The following FUT8 variants were observed in gnomAD, a reference collection of about 807,000 sequenced individuals.
FUT8 encodes the protein fucosyltransferase 8.
FUT8 carries 29 observed loss-of-function variants against 71.3 expected under a neutral mutation model. That is an observed-to-expected ratio of 0.41 (90% CI 0.30 to 0.55). The LOEUF (loss-of-function observed/expected upper bound fraction) is 0.55, where lower values mean the gene tolerates loss of function less well. Ranked by LOEUF, FUT8 falls within the 20% of genes least tolerant of loss-of-function variation. The pLI, the probability that FUT8 is intolerant of heterozygous loss-of-function variation, is 0.34. For missense variants in FUT8, 544 were observed against 702.1 expected (o/e 0.77, Z 2.55); for synonymous variants, 254 against 239.3 (o/e 1.06, Z -0.57).
chr14:65,661,116 C>T (rs185370695), intron 6 of FUT8, among the ~76,000 whole-genome samples: 2 of 152,254 alleles, frequency 1.3e-5, no homozygotes, highest in South Asian at 4.1e-4. Context: ...TAGGAGCTAT[C>T]TTTGACTTAA....
At chr14:65,530,053 TAGTATTGATATTCAGGTAATTTA>T (rs1269701265) in intron 2 of FUT8, among the ~76,000 whole-genome samples, 1 of 152,220 alleles carries the variant, frequency 6.6e-6, no homozygotes, top group East Asian at 1.9e-4. Context: ...ACATGTAGAT[TAGTATTGATATTCAGGTAATTTA>T]AGGATATCCT....
chr14:65,439,045 T>C (rs1477973768), intron 1 of FUT8, among the ~76,000 whole-genome samples: 1 of 152,182 alleles, frequency 6.6e-6, no homozygotes, highest in Admixed American at 6.5e-5. Context: ...TACAGATTGG[T>C]TTGGCTAATT....
At chr14:65,359,691 C>A in the FUT8 span, among the ~76,000 whole-genome samples, 45 of 152,280 alleles carry the variant, frequency 3.0e-4, no homozygotes, top group African/African-American at 1.1e-3. Flanking sequence ...AATAATAATC[C>A]ATTGTATGCA....
At chr14:65,517,092 CA>C (rs1314981038) in intron 2 of FUT8, among the ~76,000 whole-genome samples, 2 of 151,616 alleles carry the variant, frequency 1.3e-5, no homozygotes, top group East Asian at 3.9e-4. Context: ...ATGTGTATAC[CA>C]CATTTTGCTT....
chr14:65,519,075 G>A (rs1056041518), intron 2 of FUT8, among the ~76,000 whole-genome samples: 1 of 152,182 alleles, frequency 6.6e-6, no homozygotes, highest in Non-Finnish European at 1.5e-5. Flanking sequence ...AGGTTGTCTA[G>A]AACAGTGAAT....
intron 7 of FUT8, among the ~76,000 whole-genome samples, chr14:65,715,985 A>AC (rs199997364): frequency 0.035 from 5,269 of 152,030 alleles, 140 homozygotes; most frequent in East Asian, 0.067. Context: ...AAAAAAAAAA[A>AC]AAAACAACTT....
chr14:65,422,534 A>G (rs200057032), intron 1 of FUT8, among the ~76,000 whole-genome samples: 22 of 151,944 alleles, frequency 1.4e-4, no homozygotes, highest in African/African-American at 2.2e-4. Context: ...GTCTTGCTCA[A>G]TTGCCCAGGC....
At chr14:65,432,837 A>G (rs1566743666) in intron 1 of FUT8, among the ~76,000 whole-genome samples, 1 of 151,932 alleles carries the variant, frequency 6.6e-6, no homozygotes, top group Non-Finnish European at 1.5e-5. Flanking sequence ...TAAATAATCC[A>G]CCCCTTATTT....
intron 3 of FUT8, among the ~76,000 whole-genome samples, chr14:65,589,898 A>T (rs923450242): frequency 3.9e-5 from 6 of 152,330 alleles, no homozygotes; most frequent in African/African-American, 1.4e-4. Context: ...ATGCATAGAC[A>T]TGGTAAACCA....
intron 5 of FUT8, chr14:65,617,290 T>C: frequency 7.8e-7 from 1 of 1,280,282 alleles, no homozygotes; most frequent in Non-Finnish European, 1.0e-6. Flanking sequence ...AAAATCTGTC[T>C]ATTGGAATCA....
chr14:65,693,681 GTATTAGTGTAA>G (rs1258205454), intron 7 of FUT8, among the ~76,000 whole-genome samples: 1 of 152,144 alleles, frequency 6.6e-6, no homozygotes, highest in African/African-American at 2.4e-5. Flanking sequence ...TGTGGTTTTG[GTATTAGTGTAA>G]TATTAGCCTC....
chr14:65,566,396 C>T lies in FUT8; in HGVS notation c.203+4630C>T, dbSNP rs191233181. Among the ~76,000 whole-genome samples, 83 of 151,940 alleles carry T rather than the reference C, an allele frequency of 5.5e-4. No individual in the cohort carries two copies. In the Middle Eastern group the frequency reaches 0.024, roughly 44 times the overall value. On this transcript the variant is annotated intron_variant, in intron 3 of 10. Transcript: ENST00000673929. ...GATGGAACTACAAAGAATGTGTAAC[C>T]GCATTTAACCTACCGTTCTCACCAC...
chr14:65,534,349 C>T (rs1003511903), intron 2 of FUT8, among the ~76,000 whole-genome samples: 1 of 151,394 alleles, frequency 6.6e-6, no homozygotes, highest in Non-Finnish European at 1.5e-5. Context: ...TTCACCATGT[C>T]GCCCAGGCTG....
rs1171835430 is a variant in FUT8 at position 65,483,616 on chromosome 14, T to C, written c.-228+27898T>C. Among the ~76,000 whole-genome samples the C allele has an allele frequency of 1.3e-5, 2 of 152,214 alleles. No individual in the cohort carries two copies. The highest frequency in any genetic ancestry group is 2.9e-5 in the Non-Finnish European group (2 of 68,026). On this transcript the variant is annotated intron_variant, in intron 2 of 10. Transcript: ENST00000673929. This position sits in a 1 kb window ranked among gnomAD's most constrained non-coding sequence, Gnocchi z 4.4. Reference sequence around the variant, plus strand: ...TTGGATGTTTAATTTCTTTCAGCAGTATTTTATTGTTTTCAATGTACTGAT... The same window carrying C: ...TTGGATGTTTAATTTCTTTCAGCAGCATTTTATTGTTTTCAATGTACTGAT...
At chr14:65,498,386 A>G (rs956263889) in intron 2 of FUT8, among the ~76,000 whole-genome samples, 7 of 152,306 alleles carry the variant, frequency 4.6e-5, no homozygotes, top group East Asian at 3.9e-4. Context: ...TCCAGTATCC[A>G]CTTTAATAAT....
chr14:65,540,452 C>T (rs1022929642), intron 2 of FUT8, among the ~76,000 whole-genome samples: 3 of 152,132 alleles, frequency 2.0e-5, no homozygotes, highest in South Asian at 2.1e-4. Flanking sequence ...AGTGTAATAA[C>T]TGGAGCATTA....
chr14:65,456,906 C>T (rs563405009), intron 2 of FUT8, among the ~76,000 whole-genome samples: 1 of 151,310 alleles, frequency 6.6e-6, no homozygotes, highest in South Asian at 2.1e-4. Flanking sequence ...TGCATTGATG[C>T]ATGTTAGGTG....
At chr14:65,597,604 T>C (rs550107180) in intron 3 of FUT8, among the ~76,000 whole-genome samples, 164 of 146,644 alleles carry the variant, frequency 1.1e-3, no homozygotes, top group African/African-American at 3.8e-3. Context: ...GCCTGGGCGA[T>C]AGAGCGAGAC....
the FUT8 span, among the ~76,000 whole-genome samples, chr14:65,374,902 C>T: frequency 6.6e-6 from 1 of 151,908 alleles, no homozygotes; most frequent in Non-Finnish European, 1.5e-5. Flanking sequence ...ACTGGCTTAC[C>T]AAGGGTGAGT....
Sources: gnomAD v4.1 joint callset for allele counts (sites outside exome capture counted in the v4.1 genomes callset) on GRCh38, gnomAD v4.1.1 for gene constraint, Gnocchi (gnomAD v3.1) non-coding constraint, MANE v1.5 for transcripts, NCBI Gene and HGNC (gene_info 2026-07-23, HGNC 2026-07-21) for gene names.